AOPEP: variants seen among roughly 807,000 people sequenced by gnomAD.
AOPEP encodes the protein aminopeptidase O (putative).
In AOPEP, 77 loss-of-function variants were observed where a neutral mutation model predicts 98.1. The observed-to-expected ratio is 0.78, with a 90% CI of 0.65 to 0.95. The LOEUF is 0.95. Ranked by LOEUF, AOPEP falls within the 40% of genes least tolerant of loss-of-function variation. The pLI is 0.00. For missense variants in AOPEP, 1,024 were observed against 1,024.7 expected (o/e 1.00, Z 0.01); for synonymous variants, 346 against 365.3 (o/e 0.95, Z 0.60).
intron 5 of AOPEP, among the ~76,000 whole-genome samples, chr9:94,843,353 A>G (rs1327571522): frequency 1.3e-5 from 2 of 152,110 alleles, no homozygotes; most frequent in East Asian, 3.8e-4. Context: ...CCTGTCTTTG[A>G]TCACCTAGAG....
chr9:95,107,610 C>T, the AOPEP span: 66 of 419,810 alleles, frequency 1.6e-4, no homozygotes, highest in South Asian at 1.0e-3. Context: ...CTTGAAGACT[C>T]GCCTATCACA....
chr9:95,112,997 G>A, the AOPEP span, among the ~76,000 whole-genome samples: 1 of 152,220 alleles, frequency 6.6e-6, no homozygotes, highest in Non-Finnish European at 1.5e-5. Flanking sequence ...TGCACAACAT[G>A]TCTCAATCAC....
chr9:94,821,728 G>C (rs1410513016), intron 5 of AOPEP, among the ~76,000 whole-genome samples: 1 of 152,182 alleles, frequency 6.6e-6, no homozygotes, highest in Non-Finnish European at 1.5e-5. Flanking sequence ...AGCCTATGCT[G>C]CTACCCTGTT....
chr9:95,110,905 GTTA>G, the AOPEP span: 2 of 1,297,158 alleles, frequency 1.5e-6, no homozygotes, highest in East Asian at 6.3e-5. Context: ...TAGCTGCTCT[GTTA>G]TTTAGGAAAT....
chr9:94,777,774 C>T (rs915155108), intron 3 of AOPEP, among the ~76,000 whole-genome samples: 1 of 151,702 alleles, frequency 6.6e-6, no homozygotes, highest in Non-Finnish European at 1.5e-5. Context: ...CAGGCATGCA[C>T]CACCATGCCC....
chr9:95,073,084 T>A (rs1275080338), intron 14 of AOPEP, among the ~76,000 whole-genome samples: 1 of 152,222 alleles, frequency 6.6e-6, no homozygotes, highest in Non-Finnish European at 1.5e-5. Flanking sequence ...TCCCAGGAGA[T>A]GGCCTGAAAA....
intron 13 of AOPEP, among the ~76,000 whole-genome samples, chr9:95,012,755 T>C (rs1162633755): frequency 2.0e-5 from 3 of 152,020 alleles, no homozygotes; most frequent in Non-Finnish European, 4.4e-5. Flanking sequence ...ACTCAAGCTT[T>C]TAATCTCCAA....
chr9:95,115,043 C>T, the AOPEP span, among the ~76,000 whole-genome samples: 26 of 152,232 alleles, frequency 1.7e-4, 1 homozygote, highest in African/African-American at 5.3e-4. Flanking sequence ...TGGGCTCAAG[C>T]GATCTTCCTA....
intron 1 of AOPEP, among the ~76,000 whole-genome samples, chr9:94,740,493 C>G (rs532694380): frequency 2.0e-5 from 3 of 152,216 alleles, no homozygotes; most frequent in Non-Finnish European, 4.4e-5. Flanking sequence ...CATAACCCTT[C>G]CAGCAGAACT....
chr9:94,995,897 G>A (rs1228327121), intron 11 of AOPEP, among the ~76,000 whole-genome samples: 1 of 152,132 alleles, frequency 6.6e-6, no homozygotes, highest in Non-Finnish European at 1.5e-5. Context: ...TGTACAGAAT[G>A]GCTGGGTTTA....
At chr9:94,908,849 C>T (rs1164271318) in intron 5 of AOPEP, among the ~76,000 whole-genome samples, 3 of 151,536 alleles carry the variant, frequency 2.0e-5, no homozygotes, top group East Asian at 1.9e-4. Context: ...AGAGTTCAGC[C>T]GAGTGCTGCA....
At chr9:95,086,131 A>C in intron 16 of AOPEP, 2 of 1,360,754 alleles carry the variant, frequency 1.5e-6, no homozygotes, top group Non-Finnish European at 2.0e-6. Context: ...TAAGTGCCCG[A>C]GGCTCAGGAG....
the AOPEP span, among the ~76,000 whole-genome samples, chr9:95,097,919 T>G: frequency 2.8e-4 from 43 of 152,234 alleles, no homozygotes; most frequent in African/African-American, 9.6e-4. Context: ...TGACTTAGGA[T>G]TTTTCGACAA....
intron 7 of AOPEP, among the ~76,000 whole-genome samples, chr9:94,943,652 C>T (rs1266760334): frequency 2.0e-5 from 3 of 149,572 alleles, no homozygotes; most frequent in African/African-American, 7.4e-5. Context: ...GGCACAGTGG[C>T]TCATGCCTGT....
At chr9:94,918,915 T>A (rs1564378369) in intron 5 of AOPEP, among the ~76,000 whole-genome samples, 2 of 151,892 alleles carry the variant, frequency 1.3e-5, no homozygotes, top group Non-Finnish European at 2.9e-5. Flanking sequence ...TTTTTAATTT[T>A]AATTTTGTTG....
chr9:94,779,228 A>C (rs894773408), intron 3 of AOPEP, among the ~76,000 whole-genome samples: 1 of 152,110 alleles, frequency 6.6e-6, no homozygotes, highest in African/African-American at 2.4e-5. Context: ...TGACTTGCTG[A>C]ATTGATTGAG....
At chr9:94,958,782 A>G (rs2058631880) in intron 9 of AOPEP, among the ~76,000 whole-genome samples, 1 of 152,194 alleles carries the variant, frequency 6.6e-6, no homozygotes. Context: ...TAAGTCCCTT[A>G]TCAGAGATAT....
intron 5 of AOPEP, among the ~76,000 whole-genome samples, chr9:94,915,509 A>G (rs955232350): frequency 2.5e-4 from 38 of 151,908 alleles, no homozygotes; most frequent in African/African-American, 9.2e-4. Context: ...CTGGCAGGGA[A>G]CCCGCTCTTG....
At chr9:94,815,872 C>T (rs1268690414) in intron 5 of AOPEP, among the ~76,000 whole-genome samples, 1 of 152,122 alleles carries the variant, frequency 6.6e-6, no homozygotes, top group Non-Finnish European at 1.5e-5. Context: ...GTCCCTATTA[C>T]TGAATACCTG....
Sources: gnomAD v4.1 joint callset for allele counts (sites outside exome capture counted in the v4.1 genomes callset) on GRCh38, gnomAD v4.1.1 for gene constraint, MANE v1.5 for transcripts, NCBI Gene and HGNC (gene_info 2026-07-23, HGNC 2026-07-21) for gene names.